The following CRACD variants were observed in gnomAD, a reference collection of about 807,000 sequenced individuals.
CRACD encodes the protein capping protein-inhibiting regulator of actin dynamics.
CRACD carries 56 observed loss-of-function variants against 106.8 expected under a neutral mutation model. The ratio of observed to expected loss-of-function variants is 0.52; its 90% CI spans 0.42 to 0.66. CRACD has a LOEUF of 0.66. CRACD is among the 30% of genes least tolerant of loss of function. The pLI, the probability that CRACD is intolerant of heterozygous loss-of-function variation, is 0.00. For missense variants in CRACD, 1,730 were observed against 1,623.2 expected, an observed-to-expected ratio of 1.07 and a Z score of -1.13; for synonymous variants, 754 against 670.8, an observed-to-expected ratio of 1.12 and a Z score of -1.92.
chr4:56,164,012 G>T (rs151149415), intron 1 of CRACD, among the ~76,000 whole-genome samples: 2,529 of 152,222 alleles, frequency 0.017, 29 homozygotes, highest in Admixed American at 0.041. Context: ...CTCCCAAAGT[G>T]CTGGGATTAC....
chr4:56,207,802 ATTTATTTTAT>A (rs548538609), intron 2 of CRACD, among the ~76,000 whole-genome samples: 8 of 100,374 alleles, frequency 8.0e-5, no homozygotes, highest in South Asian at 3.3e-4. Flanking sequence ...TTATTTTTTC[ATTTATTTTAT>A]TTTATTTTAT....
intron 2 of CRACD, among the ~76,000 whole-genome samples, chr4:56,270,813 G>C (rs941575130): frequency 2.6e-5 from 4 of 152,118 alleles, no homozygotes; most frequent in Non-Finnish European, 4.4e-5. Flanking sequence ...CAGGCCCAGT[G>C]GTTCACGCCT....
chr4:56,063,255 G>A (rs528288515), intron 1 of CRACD, among the ~76,000 whole-genome samples: 3 of 151,886 alleles, frequency 2.0e-5, no homozygotes, highest in Admixed American at 1.3e-4. Context: ...ATGCAGTGGT[G>A]CGATCATGGC....
At chr4:56,139,727 C>T (rs1413993367) in intron 1 of CRACD, among the ~76,000 whole-genome samples, 3 of 151,958 alleles carry the variant, frequency 2.0e-5, no homozygotes, top group Non-Finnish European at 4.4e-5. Context: ...GTTTATGTCC[C>T]TGGGAGTACA....
intron 2 of CRACD, among the ~76,000 whole-genome samples, chr4:56,263,131 G>A (rs1283504949): frequency 6.6e-6 from 1 of 152,214 alleles, no homozygotes; most frequent in African/African-American, 2.4e-5. Context: ...TGCACAAGCA[G>A]AGAACAGAAG....
At chr4:56,079,545 A>G (rs1350231552) in intron 1 of CRACD, among the ~76,000 whole-genome samples, 2 of 151,366 alleles carry the variant, frequency 1.3e-5, no homozygotes, top group Non-Finnish European at 2.9e-5. Flanking sequence ...TCCTGCGTTC[A>G]AATCGTTCTC....
chr4:56,187,794 G>A (rs186012898), intron 2 of CRACD, among the ~76,000 whole-genome samples: 5 of 151,798 alleles, frequency 3.3e-5, no homozygotes, highest in Non-Finnish European at 7.4e-5. Context: ...GCACTGCTCC[G>A]GACTCTAGGC....
At chr4:56,269,004 T>A (rs1211993374) in intron 2 of CRACD, among the ~76,000 whole-genome samples, 1 of 152,242 alleles carries the variant, frequency 6.6e-6, no homozygotes, top group Non-Finnish European at 1.5e-5. Context: ...AAACCATTTT[T>A]AAATGATATC....
chr4:56,142,681 A>C (rs1349726048), intron 1 of CRACD, among the ~76,000 whole-genome samples: 1 of 152,162 alleles, frequency 6.6e-6, no homozygotes, highest in Non-Finnish European at 1.5e-5. Flanking sequence ...TTTAAAAAAT[A>C]TTTCCTCTTT....
intron 2 of CRACD, among the ~76,000 whole-genome samples, chr4:56,247,995 TGTATG>T (rs1740791818): frequency 6.6e-6 from 1 of 152,196 alleles, no homozygotes; most frequent in Non-Finnish European, 1.5e-5. Context: ...CTGAAGATTC[TGTATG>T]GTATACCCAA....
chr4:56,192,275 C>T lies in CRACD; in HGVS notation c.-189+12845C>T, dbSNP rs56048552. 8.4e-3 allele frequency among the ~76,000 whole-genome samples: 1,283 copies of T among 152,094 alleles called. 7 individuals carry two copies. The highest frequency in any genetic ancestry group is 0.013 in the Non-Finnish European group (871 of 68,014). On this transcript the variant is annotated intron_variant, in intron 2 of 10. Coordinates refer to ENST00000682029, the MANE Select transcript of CRACD (RefSeq NM_001393381.1). ...AGCATGGTGGTGCACACCTGTAATCCCAGCTGCTAGAGAGGCTGAGGTGGA... is the reference window on the plus strand; with the variant it reads ...AGCATGGTGGTGCACACCTGTAATCTCAGCTGCTAGAGAGGCTGAGGTGGA...
chr4:56,236,738 TA>T (rs1276062786), intron 2 of CRACD, among the ~76,000 whole-genome samples: 203 of 132,124 alleles, frequency 1.5e-3, no homozygotes, highest in South Asian at 3.3e-3. Context: ...TTTCAAAGAC[TA>T]AAAAAAAAAA....
intron 4 of CRACD, among the ~76,000 whole-genome samples, chr4:56,301,596 TC>T (rs1744372501): frequency 6.6e-6 from 1 of 152,116 alleles, no homozygotes; most frequent in African/African-American, 2.4e-5. Context: ...TTAAGAAACT[TC>T]CCAGCCCTTC....
In CRACD at chr4:56,307,563, G is replaced by A; in HGVS notation, c.149G>A (p.Gly50Glu). 2 of 1,614,142 alleles carry A rather than the reference G, an allele frequency of 1.2e-6. No individual in the cohort carries two copies. Among genetic ancestry groups the A allele is most frequent in the East Asian group, 2.2e-5 (1 of 44,876 alleles). ...CAGTTGGGCAAGAATATCAAGTTTG[G>A]GCAGCGGTCACCCAATGCCATTCCC... is the stretch of plus-strand genomic sequence containing the variant. Reference protein sequence around the residue: ...QQQLGKNIKFGQRSPNAIPMN... With the variant: ...QQQLGKNIKFEQRSPNAIPMN... Residue 50 changes from glycine to glutamate, a missense_variant, in exon 5 of 11, where the codon GGG (glycine) becomes GAG (glutamate). Coordinates refer to ENST00000682029, the MANE Select transcript of CRACD (RefSeq NM_001393381.1).
chr4:56,054,125 A>G (rs1731971511), intron 1 of CRACD, among the ~76,000 whole-genome samples: 2 of 152,196 alleles, frequency 1.3e-5, no homozygotes, highest in Non-Finnish European at 2.9e-5. Flanking sequence ...ATGTTCAGGC[A>G]GATACAAAAC....
intron 1 of CRACD, among the ~76,000 whole-genome samples, chr4:56,059,590 C>T (rs537865926): frequency 2.6e-4 from 39 of 152,270 alleles, no homozygotes; most frequent in African/African-American, 8.9e-4. Context: ...GTATTGGGTA[C>T]CATGGGCATA....
intron 2 of CRACD, among the ~76,000 whole-genome samples, chr4:56,184,007 G>A (rs1294702471): frequency 3.3e-5 from 5 of 152,026 alleles, no homozygotes; most frequent in Non-Finnish European, 5.9e-5. Flanking sequence ...CTTCATCTTA[G>A]TATAAAGAAG....
chr4:56,326,640 T>C (rs1344873593), intron 10 of CRACD, among the ~76,000 whole-genome samples: 1 of 151,966 alleles, frequency 6.6e-6, no homozygotes, highest in Non-Finnish European at 1.5e-5. Flanking sequence ...AGTGATACGG[T>C]GCAAAGAACT....
At chr4:56,072,052 C>G (rs375151944) in intron 1 of CRACD, among the ~76,000 whole-genome samples, 38 of 148,804 alleles carry the variant, frequency 2.6e-4, no homozygotes, top group Middle Eastern at 3.5e-3. Context: ...GGCGTGAACC[C>G]GGGAGGCGGA....
Sources: gnomAD v4.1 joint callset for allele counts (sites outside exome capture counted in the v4.1 genomes callset) on GRCh38, gnomAD v4.1.1 for gene constraint, MANE v1.5 for transcripts, NCBI Gene and HGNC (gene_info 2026-07-23, HGNC 2026-07-21) for gene names.